The following PRKCH variants were observed in gnomAD, a reference collection of about 807,000 sequenced individuals.
The protein encoded by PRKCH is protein kinase C eta.
PRKCH carries 28 observed loss-of-function variants against 82.5 expected under a neutral mutation model. The observed-to-expected ratio is 0.34, with a 90% CI of 0.25 to 0.47. The LOEUF is 0.47. PRKCH is among the 20% of genes least tolerant of loss of function. The pLI, the probability that PRKCH is intolerant of heterozygous loss-of-function variation, is 1.00. For missense variants in PRKCH, 705 were observed against 881.8 expected (o/e 0.80, Z 2.54); for synonymous variants, 322 against 327.4 (o/e 0.98, Z 0.18).
At position 61,527,045 on chromosome 14, in the gene PRKCH, C is replaced by T. The variant is rs539485207; in HGVS notation, c.1434-2030C>T. On this transcript the variant is annotated intron_variant, in intron 10 of 13. Transcript: ENST00000332981. ...GCCACCCTCCCTCTGTAACAGTGCC[C>T]TGGGGTATGGGTGGCAACAGGACAA... Among the ~76,000 whole-genome samples, 8 of 152,362 alleles carry T rather than the reference C, an allele frequency of 5.3e-5. No individual in the cohort carries two copies. The South Asian group carries it at 1.7e-3, about 32-fold the overall frequency.
intron 2 of PRKCH, among the ~76,000 whole-genome samples, chr14:61,412,328 A>G (rs1248929150): frequency 6.6e-5 from 10 of 152,244 alleles, no homozygotes; most frequent in Admixed American, 6.5e-4. Context: ...TAAAAAGACA[A>G]GTAGAAAAGT....
chr14:61,294,947 A>G (rs1259762127), intron 1 of PRKCH, among the ~76,000 whole-genome samples: 1 of 152,092 alleles, frequency 6.6e-6, no homozygotes, highest in Non-Finnish European at 1.5e-5. Context: ...ATCTTGGCTC[A>G]CTGCAACCTG....
At chr14:61,211,365 C>A (rs1477681902) in intron 1 of PRKCH, among the ~76,000 whole-genome samples, 1 of 152,214 alleles carries the variant, frequency 6.6e-6, no homozygotes, top group Non-Finnish European at 1.5e-5. Flanking sequence ...CTCTCGTGAC[C>A]ATCCCTATCC....
At chr14:61,230,842 G>A (rs1026005340) in intron 1 of PRKCH, among the ~76,000 whole-genome samples, 2 of 152,214 alleles carry the variant, frequency 1.3e-5, no homozygotes, top group African/African-American at 4.8e-5. Flanking sequence ...AGGAGCTACA[G>A]TCTTGTTAAA....
At chr14:61,525,021 C>G (rs2042948780) in intron 10 of PRKCH, 1 of 152,266 alleles carries the variant, frequency 6.6e-6, no homozygotes, top group Non-Finnish European at 1.5e-5. Flanking sequence ...TGGGGTCCAT[C>G]TGAAATGCTT....
chr14:61,345,887 T>A (rs1196177079), intron 1 of PRKCH, among the ~76,000 whole-genome samples: 4 of 149,108 alleles, frequency 2.7e-5, no homozygotes, highest in Non-Finnish European at 4.4e-5. Context: ...TTTTTTTTTT[T>A]AAAGTTGTGG....
intron 10 of PRKCH, among the ~76,000 whole-genome samples, chr14:61,497,928 T>C (rs1264614132): frequency 1.3e-5 from 2 of 152,180 alleles, no homozygotes; most frequent in African/African-American, 4.8e-5. Flanking sequence ...TGAGGTAATA[T>C]AGGTGATTTT....
At chr14:61,307,761 TG>T (rs2045494003) in intron 1 of PRKCH, among the ~76,000 whole-genome samples, 1 of 152,262 alleles carries the variant, frequency 6.6e-6, no homozygotes, top group African/African-American at 2.4e-5. Flanking sequence ...GCCATATTTC[TG>T]TGTGATTATA....
intron 1 of PRKCH, among the ~76,000 whole-genome samples, chr14:61,246,398 A>T (rs1372882176): frequency 8.3e-6 from 1 of 119,868 alleles, no homozygotes; most frequent in Non-Finnish European, 1.7e-5. Context: ...ACAGAGTGAG[A>T]CTCTGTCTCA....
intron 1 of PRKCH, among the ~76,000 whole-genome samples, chr14:61,349,324 A>G (rs542533924): frequency 6.6e-6 from 1 of 152,244 alleles, no homozygotes; most frequent in African/African-American, 2.4e-5. Flanking sequence ...AATCCTTAAC[A>G]TTTGTTATTC....
intron 1 of PRKCH, chr14:61,344,516 G>A (rs558543673): frequency 5.9e-5 from 9 of 152,354 alleles, no homozygotes; most frequent in African/African-American, 2.2e-4. Flanking sequence ...TTACTTGAGA[G>A]GAAAAGAGCC....
intron 2 of PRKCH, among the ~76,000 whole-genome samples, chr14:61,428,577 T>C (rs1594695387): frequency 6.6e-6 from 1 of 152,232 alleles, no homozygotes; most frequent in South Asian, 2.1e-4. Context: ...CTCTACCAGA[T>C]GCTGAGAATA....
At chr14:61,342,755 C>T (rs2045944479) in intron 1 of PRKCH, among the ~76,000 whole-genome samples, 1 of 152,224 alleles carries the variant, frequency 6.6e-6, no homozygotes, top group South Asian at 2.1e-4. Flanking sequence ...CCAGTGTGTT[C>T]TGGTCTACCT....
Position 61,280,284 on chromosome 14 carries a change from G to A in PRKCH, c.-19+92616G>A. 1 of 1,614,034 alleles carries A rather than the reference G, an allele frequency of 6.2e-7. No homozygotes were observed. Among genetic ancestry groups the A allele is most frequent in the Non-Finnish European group, 8.5e-7 (1 of 1,180,008 alleles). The stretch of plus-strand genomic sequence containing the variant: ...CGAACGCGCGCACCGGGTAGTTGTA[G>A]GTGATGTTGACGCGGTAGGCGCCCC... On this transcript the variant is annotated intron_variant, in intron 1 of 3. Transcript: ENST00000555185. This position sits in a 1 kb window ranked among gnomAD's most constrained non-coding sequence, Gnocchi z 5.0.
chr14:61,246,190 G>A (rs2044880085), intron 1 of PRKCH, among the ~76,000 whole-genome samples: 1 of 151,464 alleles, frequency 6.6e-6, no homozygotes, highest in Non-Finnish European at 1.5e-5. Context: ...TGGATCACCT[G>A]AGGTCAGGAG....
At chr14:61,268,409 TA>T (rs954716852) in intron 1 of PRKCH, among the ~76,000 whole-genome samples, 3 of 152,294 alleles carry the variant, frequency 2.0e-5, no homozygotes, top group African/African-American at 7.2e-5. Flanking sequence ...CTCACACCTG[TA>T]ATCCCAGCAC....
At chr14:61,266,663 G>A (rs1257423342) in intron 1 of PRKCH, among the ~76,000 whole-genome samples, 7 of 152,278 alleles carry the variant, frequency 4.6e-5, no homozygotes, top group Middle Eastern at 3.4e-3. Context: ...CTTGTTTTAC[G>A]AAGGACCAGG....
intron 9 of PRKCH, among the ~76,000 whole-genome samples, chr14:61,462,463 C>T (rs1171271210): frequency 1.3e-5 from 2 of 152,196 alleles, no homozygotes; most frequent in East Asian, 3.8e-4. Flanking sequence ...TTTAGTTTTG[C>T]TGTCGTTGTT....
chr14:61,318,198 G>A (rs2045579538), upstream of PRKCH, among the ~76,000 whole-genome samples: 1 of 151,414 alleles, frequency 6.6e-6, no homozygotes, highest in South Asian at 2.1e-4. Flanking sequence ...CTCAGCATCC[G>A]AGTAGCTGAG....
Sources: gnomAD v4.1 joint callset for allele counts (sites outside exome capture counted in the v4.1 genomes callset) on GRCh38, gnomAD v4.1.1 for gene constraint, Gnocchi (gnomAD v3.1) non-coding constraint, MANE v1.5 for transcripts, NCBI Gene and HGNC (gene_info 2026-07-23, HGNC 2026-07-21) for gene names.